The following MGMT variants were observed in gnomAD, a reference collection of about 807,000 sequenced individuals.
MGMT encodes methylated-DNA--protein-cysteine methyltransferase.
MGMT carries 14 observed loss-of-function variants against 15.9 expected under a neutral mutation model. The observed-to-expected ratio is 0.88, with a 90% confidence interval of 0.58 to 1.37. The LOEUF is 1.37. Ranked by LOEUF, MGMT falls within the 40% of genes most tolerant of loss-of-function variation. The pLI, the probability that MGMT is intolerant of heterozygous loss-of-function variation, is 0.00. For missense variants in MGMT, 282 were observed against 268.1 expected (o/e 1.05, Z -0.36); for synonymous variants, 130 against 118.2 (o/e 1.10, Z -0.65).
rs150959621 is a variant in MGMT, at chr10:129,623,573, G to A, written c.126-84322G>A. The stretch of plus-strand genomic sequence containing the variant: ...TATATAACTTTAGTTATAGAGTCTC[G>A]CTGTTTTGCCCAGGATGGAGTACAG... On this transcript the variant is annotated intron_variant, in intron 2 of 4. Coordinates refer to ENST00000651593, the MANE Select transcript of MGMT (RefSeq NM_002412.5). Among the ~76,000 whole-genome samples the A allele has an allele frequency of 5.4e-3, 819 of 152,054 alleles. 8 individuals carry two copies. The highest frequency in any genetic ancestry group is 0.018 in the African/African-American group (759 of 41,458).
At chr10:129,740,872 A>G (rs1439197058) in intron 3 of MGMT, among the ~76,000 whole-genome samples, 1 of 152,212 alleles carries the variant, frequency 6.6e-6, no homozygotes, top group Non-Finnish European at 1.5e-5. Flanking sequence ...GCACTCAGTA[A>G]GTCTTGGCAC....
At chr10:129,709,682 A>G (rs1848208342) in intron 3 of MGMT, among the ~76,000 whole-genome samples, 1 of 152,104 alleles carries the variant, frequency 6.6e-6, no homozygotes, top group South Asian at 2.1e-4. Context: ...CCTGAAGTTT[A>G]CCTAAGGTTT....
intron 1 of MGMT, among the ~76,000 whole-genome samples, chr10:129,509,693 G>A (rs771176230): frequency 6.6e-6 from 1 of 152,210 alleles, no homozygotes; most frequent in African/African-American, 2.4e-5. Context: ...ATTTCTCTAA[G>A]TATTGTCAAT....
chr10:129,547,467 G>T (rs1261620133), intron 2 of MGMT, among the ~76,000 whole-genome samples: 1 of 152,098 alleles, frequency 6.6e-6, no homozygotes, highest in Non-Finnish European at 1.5e-5. Context: ...TACACCTGCA[G>T]ATTCATGGAG....
intron 1 of MGMT, among the ~76,000 whole-genome samples, chr10:129,525,929 G>A (rs553609739): frequency 1.1e-4 from 16 of 152,308 alleles, no homozygotes; most frequent in African/African-American, 3.4e-4. Flanking sequence ...TGGGAACGCC[G>A]TTTGGATCCC....
At chr10:129,720,936 C>G (rs1848362651) in intron 3 of MGMT, among the ~76,000 whole-genome samples, 1 of 129,084 alleles carries the variant, frequency 7.7e-6, no homozygotes, top group South Asian at 2.4e-4. Flanking sequence ...ATTTAAATGT[C>G]AGGGGGAAAA....
intron 1 of MGMT, among the ~76,000 whole-genome samples, chr10:129,492,354 A>T (rs956828979): frequency 5.9e-5 from 9 of 152,250 alleles, no homozygotes; most frequent in Non-Finnish European, 1.0e-4. Flanking sequence ...AAAGTCTCCT[A>T]AATGTCCTGA....
intron 3 of MGMT, among the ~76,000 whole-genome samples, chr10:129,722,310 A>T (rs1165183278): frequency 6.6e-6 from 1 of 152,216 alleles, no homozygotes; most frequent in Non-Finnish European, 1.5e-5. Context: ...GCATTATTAA[A>T]GATTATTATT....
intron 2 of MGMT, among the ~76,000 whole-genome samples, chr10:129,611,037 T>C (rs1489939529): frequency 1.3e-5 from 2 of 152,240 alleles, no homozygotes; most frequent in East Asian, 1.9e-4. Flanking sequence ...TCAGCCTTTA[T>C]GTATGTTCTA....
chr10:129,571,457 T>C (rs1846418326), intron 2 of MGMT, among the ~76,000 whole-genome samples: 1 of 152,218 alleles, frequency 6.6e-6, no homozygotes, highest in Admixed American at 6.5e-5. Context: ...TACGTTTTGT[T>C]TACAACGTAT....
At chr10:129,562,192 G>C (rs536200621) in intron 2 of MGMT, among the ~76,000 whole-genome samples, 2 of 152,254 alleles carry the variant, frequency 1.3e-5, no homozygotes, top group African/African-American at 4.8e-5. Context: ...AAAACACTCC[G>C]TCACCATTCC....
intron 2 of MGMT, among the ~76,000 whole-genome samples, chr10:129,548,744 G>C (rs995294748): frequency 4.6e-5 from 7 of 152,128 alleles, no homozygotes; most frequent in Non-Finnish European, 7.4e-5. Flanking sequence ...CAGCTTTCGG[G>C]GGGGTGCTGG....
At chr10:129,687,955 T>C (rs534153151) in intron 2 of MGMT, among the ~76,000 whole-genome samples, 7 of 152,284 alleles carry the variant, frequency 4.6e-5, no homozygotes, top group African/African-American at 1.7e-4. Flanking sequence ...GTGTTTGGTT[T>C]TCTGTCCTTG....
rs575132799 is a variant in MGMT, at chr10:129,489,606, C to T, written c.-13+22310C>T. Among the ~76,000 whole-genome samples, 8 of 152,132 alleles carry T rather than the reference C, an allele frequency of 5.3e-5. No individual in the cohort carries two copies. In the East Asian group the frequency reaches 1.6e-3, roughly 30 times the overall value. On this transcript the variant is annotated intron_variant, in intron 1 of 4. Transcript: ENST00000651593. ...ATCTGCCTCTTCAGGAATATGCGCTCTTGCACTCTCTGTCTCTCTTGGATT... is the reference window on the plus strand; with the variant it reads ...ATCTGCCTCTTCAGGAATATGCGCTTTTGCACTCTCTGTCTCTCTTGGATT...
At chr10:129,626,127 A>G (rs1312617520) in intron 2 of MGMT, among the ~76,000 whole-genome samples, 1 of 152,160 alleles carries the variant, frequency 6.6e-6, no homozygotes, top group Non-Finnish European at 1.5e-5. Flanking sequence ...GGACAGGTGG[A>G]CTAGGCTCTT....
At chr10:129,740,727 C>A (rs1447454198) in intron 3 of MGMT, among the ~76,000 whole-genome samples, 2 of 152,036 alleles carry the variant, frequency 1.3e-5, no homozygotes, top group East Asian at 3.9e-4. Context: ...GCTGGCCCCA[C>A]CTGCAGGCCC....
intron 3 of MGMT, among the ~76,000 whole-genome samples, chr10:129,741,796 G>A (rs74160279): frequency 0.033 from 5,013 of 152,210 alleles, 289 homozygotes; most frequent in African/African-American, 0.12. Context: ...GAGCAGAGCT[G>A]CAGAAGCTGG....
chr10:129,725,519 T>G (rs1848422446), intron 3 of MGMT, among the ~76,000 whole-genome samples: 1 of 152,274 alleles, frequency 6.6e-6, no homozygotes, highest in South Asian at 2.1e-4. Context: ...TTCCTGGACC[T>G]GAAACATCAT....
At position 129,659,273 on chromosome 10, in the gene MGMT, C is replaced by G. The variant is rs780081251; in HGVS notation, c.126-48622C>G. 1.7e-4 allele frequency among the ~76,000 whole-genome samples: 26 copies of G among 151,226 alleles called. No homozygotes were observed. Among genetic ancestry groups the G allele is most frequent in the Non-Finnish European group, 2.8e-4 (19 of 67,982 alleles). ...TCGGGAGGCTGAGGCAGGAGAATTGCTTGAACCTGGGAGGCGGAGGTTGCA... is the reference window on the plus strand; with the variant it reads ...TCGGGAGGCTGAGGCAGGAGAATTGGTTGAACCTGGGAGGCGGAGGTTGCA... On this transcript the variant is annotated intron_variant, in intron 2 of 4. Transcript: ENST00000651593. The surrounding 1 kb of genome is among the most constrained non-coding windows in gnomAD (Gnocchi z 4.1).
Sources: gnomAD v4.1 joint callset for allele counts (sites outside exome capture counted in the v4.1 genomes callset) on GRCh38, gnomAD v4.1.1 for gene constraint, Gnocchi (gnomAD v3.1) non-coding constraint, MANE v1.5 for transcripts, NCBI Gene and HGNC (gene_info 2026-07-23, HGNC 2026-07-21) for gene names.